TNIK: variants seen among roughly 807,000 people sequenced by gnomAD.
TNIK encodes TRAF2 and NCK-interacting protein kinase.
A neutral mutation model predicts 191.3 loss-of-function variants in TNIK; 49 were observed. That is an observed-to-expected ratio of 0.26 (90% CI 0.20 to 0.32). The LOEUF (loss-of-function observed/expected upper bound fraction) is 0.32, where lower values mean the gene tolerates loss of function less well. TNIK is among the 10% of genes least tolerant of loss of function. TNIK has a pLI of 1.00. For synonymous variants in TNIK, 594 were observed against 600.9 expected (o/e 0.99, Z 0.17); for missense variants, 1,155 against 1,702.3 (o/e 0.68, Z 5.66).
intron 1 of TNIK, among the ~76,000 whole-genome samples, chr3:171,390,882 G>C (rs1452513738): frequency 6.6e-6 from 1 of 152,146 alleles, no homozygotes; most frequent in Non-Finnish European, 1.5e-5. Context: ...ACTATGCTTT[G>C]TGCATGTGTG....
At position 171,327,746 on chromosome 3, in the gene TNIK, C is replaced by G. The variant is rs560830387; in HGVS notation, c.123+41874G>C. ...AATGTGTTACCGCAGCATAGCCTAGCCTTCCTCAACTAATATAGCTGCATA... is the reference window on the plus strand; with the variant it reads ...AATGTGTTACCGCAGCATAGCCTAGGCTTCCTCAACTAATATAGCTGCATA... On this transcript the variant is annotated intron_variant, in intron 2 of 32. Coordinates refer to ENST00000436636, the MANE Select transcript of TNIK (RefSeq NM_015028.4). Among the ~76,000 whole-genome samples, 10 of 151,910 alleles carry G rather than the reference C, an allele frequency of 6.6e-5. No homozygotes were observed. In the South Asian group the frequency reaches 2.1e-3, roughly 32 times the overall value.
At chr3:171,305,050 G>GAA (rs11440018) in intron 2 of TNIK, among the ~76,000 whole-genome samples, 24,504 of 133,466 alleles carry the variant, frequency 0.18, 2,347 homozygotes, top group South Asian at 0.24. Context: ...CTGCCACAGG[G>GAA]AAAAAAAAAA....
intron 4 of TNIK, among the ~76,000 whole-genome samples, chr3:171,198,855 G>A (rs1177409820): frequency 6.6e-6 from 1 of 152,184 alleles, no homozygotes; most frequent in Non-Finnish European, 1.5e-5. Flanking sequence ...AGCAAAACAT[G>A]TTTGTGTCCC....
chr3:171,247,229 C>G (rs1208143872), intron 2 of TNIK, among the ~76,000 whole-genome samples: 3 of 152,236 alleles, frequency 2.0e-5, no homozygotes, highest in Non-Finnish European at 4.4e-5. Flanking sequence ...TACCCGCTAC[C>G]ACTCAGATCC....
chr3:171,309,904 C>T (rs1342324755), intron 2 of TNIK, among the ~76,000 whole-genome samples: 1 of 152,094 alleles, frequency 6.6e-6, no homozygotes, highest in Non-Finnish European at 1.5e-5. Flanking sequence ...TCCTAGTTGT[C>T]CTCTTGGGGA....
chr3:171,194,002 GA>G (rs1218686900), intron 5 of TNIK, among the ~76,000 whole-genome samples: 2 of 152,104 alleles, frequency 1.3e-5, no homozygotes, highest in African/African-American at 4.8e-5. Context: ...AGGTCACAAA[GA>G]TTTTTTTTAA....
intron 3 of TNIK, among the ~76,000 whole-genome samples, chr3:171,212,454 C>T (rs893209715): frequency 5.9e-5 from 9 of 152,122 alleles, no homozygotes; most frequent in African/African-American, 2.2e-4. Flanking sequence ...TCCCATTACT[C>T]GACTCTCTTC....
intron 18 of TNIK, among the ~76,000 whole-genome samples, chr3:171,114,333 TAA>T (rs1482985145): frequency 6.6e-6 from 1 of 152,234 alleles, no homozygotes; most frequent in Non-Finnish European, 1.5e-5. Flanking sequence ...CTGCCCAGTT[TAA>T]GAGTACCAAG....
At chr3:171,287,611 A>C (rs975935701) in intron 2 of TNIK, among the ~76,000 whole-genome samples, 4 of 152,248 alleles carry the variant, frequency 2.6e-5, no homozygotes, top group Non-Finnish European at 4.4e-5. Flanking sequence ...TGGCTTTAAA[A>C]GACTATAAGT....
intron 1 of TNIK, among the ~76,000 whole-genome samples, chr3:171,377,239 G>C (rs915753354): frequency 1.3e-5 from 2 of 152,182 alleles, no homozygotes; most frequent in African/African-American, 2.4e-5. Flanking sequence ...ACTAACCCTC[G>C]ATACTGGTAG....
At chr3:171,078,420 A>G (rs1346152784) in intron 28 of TNIK, among the ~76,000 whole-genome samples, 44 of 151,456 alleles carry the variant, frequency 2.9e-4, no homozygotes, top group Admixed American at 2.9e-3. Flanking sequence ...ATTTCTGCCA[A>G]TACATTTTAG....
chr3:171,241,581 C>T (rs1316690367), intron 2 of TNIK, among the ~76,000 whole-genome samples: 1 of 152,036 alleles, frequency 6.6e-6, no homozygotes, highest in East Asian at 1.9e-4. Context: ...ATATTTTCCA[C>T]CTAGGAAGAT....
At chr3:171,324,379 T>C (rs1755515866) in intron 2 of TNIK, among the ~76,000 whole-genome samples, 1 of 152,062 alleles carries the variant, frequency 6.6e-6, no homozygotes, top group Admixed American at 6.5e-5. Context: ...TAAACAAGCA[T>C]AAAAGGTCTC....
intron 2 of TNIK, among the ~76,000 whole-genome samples, chr3:171,240,843 G>A (rs1303217115): frequency 6.6e-6 from 1 of 151,852 alleles, no homozygotes; most frequent in Non-Finnish European, 1.5e-5. Flanking sequence ...CATGAGTATC[G>A]GGCATTTCCT....
intron 2 of TNIK, among the ~76,000 whole-genome samples, chr3:171,298,790 C>G (rs1752588006): frequency 6.6e-6 from 1 of 152,216 alleles, no homozygotes; most frequent in South Asian, 2.1e-4. Context: ...TGCAGCACAT[C>G]TATCCTATCC....
intron 15 of TNIK, among the ~76,000 whole-genome samples, chr3:171,133,687 G>A (rs1729612369): frequency 6.6e-6 from 1 of 152,192 alleles, no homozygotes; most frequent in Non-Finnish European, 1.5e-5. Context: ...AGAGAGATAT[G>A]CAGAAATGGA....
At chr3:171,417,278 A>G (rs1723210690) in intron 1 of TNIK, among the ~76,000 whole-genome samples, 1 of 152,218 alleles carries the variant, frequency 6.6e-6, no homozygotes, top group South Asian at 2.1e-4. Context: ...AATTAGTAGC[A>G]TATCTTATTT....
At chr3:171,171,569 G>T (rs1398669294) in intron 9 of TNIK, among the ~76,000 whole-genome samples, 4 of 152,198 alleles carry the variant, frequency 2.6e-5, no homozygotes, top group African/African-American at 9.7e-5. Context: ...GACCTCAACT[G>T]AGTGCTGCTT....
chr3:171,199,726 A>C (rs1439773735), intron 4 of TNIK, among the ~76,000 whole-genome samples: 1 of 152,170 alleles, frequency 6.6e-6, no homozygotes, highest in Non-Finnish European at 1.5e-5. Flanking sequence ...CTCTCTCCCC[A>C]CCACTACCAC....
Sources: gnomAD v4.1 joint callset for allele counts (sites outside exome capture counted in the v4.1 genomes callset) on GRCh38, gnomAD v4.1.1 for gene constraint, MANE v1.5 for transcripts, NCBI Gene and HGNC (gene_info 2026-07-23, HGNC 2026-07-21) for gene names.